Variants in RARA observed in about 807,000 individuals in gnomAD.
RARA encodes the protein retinoic acid receptor alpha.
Under a neutral mutation model 42.8 loss-of-function variants are expected in RARA, and 5 were observed. That is an observed-to-expected ratio of 0.12 (90% CI 0.06 to 0.25). The LOEUF is 0.25. RARA is among the 10% of genes least tolerant of loss of function. The probability of loss-of-function intolerance (pLI) is 1.00; values close to 1 mark genes in which losing one functional copy is unlikely to be tolerated. For missense variants in RARA, 402 were observed against 628.7 expected, an observed-to-expected ratio of 0.64 and a Z score of 3.86; for synonymous variants, 256 against 259.5, an observed-to-expected ratio of 0.99 and a Z score of 0.13.
intron 3 of RARA, chr17:40,348,695 C>T (rs2143462646): frequency 2.3e-6 from 1 of 441,564 alleles, no homozygotes; most frequent in South Asian, 4.1e-5. Context: ...CAGCTCCTTT[C>T]CCTGTCTCTA....
chr17:40,314,908 C>T (rs2033162366), intron 1 of RARA, among the ~76,000 whole-genome samples: 1 of 151,714 alleles, frequency 6.6e-6, no homozygotes, highest in South Asian at 2.1e-4. Flanking sequence ...CCAGTGTCTT[C>T]TCTGATCTCT....
intron 2 of RARA, among the ~76,000 whole-genome samples, chr17:40,339,663 C>T (rs982060533): frequency 6.6e-6 from 1 of 152,194 alleles, no homozygotes; most frequent in African/African-American, 2.4e-5. Context: ...GCTTGCCACA[C>T]TCTGCCTCCC....
chr17:40,324,026 A>G (rs1166424839), intron 1 of RARA, among the ~76,000 whole-genome samples: 1 of 151,910 alleles, frequency 6.6e-6, no homozygotes, highest in African/African-American at 2.4e-5. Context: ...CCCTGCCTGT[A>G]TCTCTGTAAG....
Position 40,354,501 on chromosome 17 carries a change from G to A in RARA, c.1007G>A (p.Cys336Tyr), listed in dbSNP as rs774786141. Reference protein sequence around the residue: ...TGLLSAICLICGDRQDLEQPD... With the variant: ...TGLLSAICLIYGDRQDLEQPD... ...CTGCTCAGCGCCATCTGCCTCATCTGCGGAGGTGGGCAGGGGGCCTGGGTC... is the reference window on the plus strand; with the variant it reads ...CTGCTCAGCGCCATCTGCCTCATCTACGGAGGTGGGCAGGGGGCCTGGGTC... Residue 336 changes from cysteine (C) to tyrosine (Y), a missense_variant, in exon 7 of 9, where the codon TGC becomes TAC. By Grantham distance (194) the Cys-to-Tyr change is radical (BLOSUM62 -2). Transcript: ENST00000254066. This position sits in a 1 kb window ranked among gnomAD's most constrained non-coding sequence, Gnocchi z 4.5. The A allele has an allele frequency of 1.2e-6, 2 of 1,613,454 alleles. No homozygotes were observed. The highest frequency in any genetic ancestry group is 1.7e-6 in the Non-Finnish European group (2 of 1,179,970).
At chr17:40,349,228 C>G (rs2034366985) in intron 3 of RARA, 1 of 158,928 alleles carries the variant, frequency 6.3e-6, no homozygotes, top group African/African-American at 2.4e-5. Context: ...GCCTGTCCCT[C>G]TGGTCAGCCT....
intron 2 of RARA, among the ~76,000 whole-genome samples, chr17:40,340,673 G>A (rs1197212948): frequency 6.6e-6 from 1 of 152,176 alleles, no homozygotes; most frequent in Non-Finnish European, 1.5e-5. Flanking sequence ...AGGTACCTAT[G>A]TTAATTCTTC....
chr17:40,342,059 G>A, intron 2 of RARA: 2 of 1,063,626 alleles, frequency 1.9e-6, no homozygotes, highest in African/African-American at 1.6e-5. Flanking sequence ...CGGACGCGCC[G>A]GGAATGGGTT....
At chr17:40,348,124 G>A in intron 2 of RARA, 192 bp from the exon 3 acceptor site, 5 of 567,618 alleles carry the variant, frequency 8.8e-6, no homozygotes, top group Non-Finnish European at 1.2e-5. Context: ...GAGTGATGGG[G>A]TGCTGGAGGC....
Position 40,352,643 on chromosome 17 carries a change from TC to T in RARA, c.807+138del, listed in dbSNP as rs2034492769. ...TGCCCACCGCCCAAATGTCTGCCCT[TC>T]CTCTCCCCATATGTCCACCTGTCCA... is the stretch of plus-strand genomic sequence containing the variant. On this transcript the variant is annotated intron_variant, in intron 6 of 8. Transcript: ENST00000254066. The surrounding 1 kb of genome is among the most constrained non-coding windows in gnomAD (Gnocchi z 4.9). 2.4e-6 allele frequency: 2 copies of T among 831,306 alleles called. No individual in the cohort carries two copies. The highest frequency in any genetic ancestry group is 3.5e-6 in the Non-Finnish European group (2 of 565,314). The allele number at this position is 831,306 out of a possible 1,614,324, so 51.5% of individuals were successfully genotyped here. A position where few individuals can be genotyped will look rare whatever the true frequency, so the allele number is the denominator to read the frequency against.
intron 1 of RARA, among the ~76,000 whole-genome samples, chr17:40,327,527 A>C (rs1434266398): frequency 1.3e-5 from 2 of 152,174 alleles, no homozygotes; most frequent in African/African-American, 4.8e-5. Context: ...GAGAATGTAC[A>C]GTTTGGGAGA....
In RARA at chr17:40,355,476, C is replaced by G. The variant is rs1024993455; in HGVS notation, c.1171+55C>G. On this transcript the variant is annotated intron_variant, in intron 8 of 8. Coordinates refer to ENST00000254066, the MANE Select transcript of RARA (RefSeq NM_000964.4). The surrounding 1 kb of genome is among the most constrained non-coding windows in gnomAD (Gnocchi z 4.1). The stretch of plus-strand genomic sequence containing the variant: ...GCCCCCGACACCTGGCCCAGGCCCC[C>G]ACATCCAAGCCAGCACCCCATGTCT... 1.3e-6 allele frequency: 2 copies of G among 1,554,030 alleles called. No individual in the cohort carries two copies. The highest frequency in any genetic ancestry group is 2.7e-5 in the African/African-American group (2 of 73,374).
Position 40,352,441 on chromosome 17 carries a change from C to G in RARA, c.741C>G (p.Pro247=), listed in dbSNP as rs139260459. 9 of 1,613,754 alleles carry G rather than the reference C, an allele frequency of 5.6e-6. No homozygotes were observed. In the South Asian group the frequency reaches 8.8e-5, roughly 16 times the overall value. ...CTGTGGAGTTCGCCAAGCAGCTGCC[C>G]GGCTTCACCACCCTCACCATCGCCG... ...IKTVEFAKQL[P]GFTTLTIADQ... The change falls in exon 6 of 9, where the codon CCC becomes CCG. Residue 247 remains proline, a synonymous_variant. Coordinates refer to ENST00000254066, the MANE Select transcript of RARA (RefSeq NM_000964.4). This position sits in a 1 kb window ranked among gnomAD's most constrained non-coding sequence, Gnocchi z 4.9.
chr17:40,339,497 C>T (rs965551140), intron 2 of RARA, among the ~76,000 whole-genome samples: 1 of 152,214 alleles, frequency 6.6e-6, no homozygotes, highest in African/African-American at 2.4e-5. Context: ...CCCCAGGACA[C>T]TGTGTTCTGC....
intron 3 of RARA, 62 bp from the exon 4 acceptor site, chr17:40,349,722 G>T: frequency 1.3e-6 from 2 of 1,596,616 alleles, no homozygotes; most frequent in Admixed American, 1.7e-5. Flanking sequence ...GACTGAGACC[G>T]TAGCCAGGCA....
rs751026996 is a variant in RARA at position 40,356,728 on chromosome 17, C to T, written c.*502C>T. The T allele has an allele frequency of 1.6e-4, 86 of 533,966 alleles. No homozygotes were observed. The highest frequency in any genetic ancestry group is 2.3e-4 in the Non-Finnish European group (65 of 277,254). The allele number at this position is 533,966 out of a possible 1,614,324, so 33.1% of individuals were successfully genotyped here. On this transcript the variant is annotated 3_prime_UTR_variant, in exon 9 of 9. Coordinates refer to ENST00000254066, the MANE Select transcript of RARA (RefSeq NM_000964.4). ...CATACCAACCCCAGGTATTAATTCTCGCTGGTTTTGTTTTTATTTTAATTT... is the reference window on the plus strand; with the variant it reads ...CATACCAACCCCAGGTATTAATTCTTGCTGGTTTTGTTTTTATTTTAATTT...
intron 3 of RARA, 72 bp from the exon 4 acceptor site, chr17:40,349,712 G>T: frequency 6.3e-7 from 1 of 1,585,724 alleles, no homozygotes; most frequent in Non-Finnish European, 8.6e-7. Flanking sequence ...TCCTCCCCTA[G>T]ACTGAGACCG....
chr17:40,319,757 GT>G (rs1473373042), intron 1 of RARA, among the ~76,000 whole-genome samples: 1 of 152,186 alleles, frequency 6.6e-6, no homozygotes, highest in East Asian at 1.9e-4. Flanking sequence ...TGAAGAGGCT[GT>G]GCCGGGGAAG....
intron 2 of RARA, 32 bp downstream of exon 2, chr17:40,331,428 G>C: frequency 8.1e-6 from 13 of 1,599,520 alleles, no homozygotes; most frequent in Non-Finnish European, 1.1e-5. Context: ...GGGGTGGGAA[G>C]GGACTGTGGA....
At chr17:40,346,920 A>C (rs767054625) in intron 2 of RARA, among the ~76,000 whole-genome samples, 6 of 152,238 alleles carry the variant, frequency 3.9e-5, no homozygotes, top group Non-Finnish European at 7.4e-5. Context: ...GGCACTACTA[A>C]GAGCCAGGAA....
Sources: allele counts gnomAD v4.1 joint callset (sites outside exome capture counted in the v4.1 genomes callset), GRCh38; gene constraint gnomAD v4.1.1; non-coding constraint Gnocchi (gnomAD v3.1); transcripts MANE v1.5; gene names NCBI Gene and HGNC (gene_info 2026-07-23, HGNC 2026-07-21).